The following KDM5B variants were observed in gnomAD, a reference collection of about 807,000 sequenced individuals.
KDM5B encodes lysine-specific demethylase 5B.
In KDM5B, 144 loss-of-function variants were observed where a neutral mutation model predicts 193.4. That is an observed-to-expected ratio of 0.74 (90% CI 0.65 to 0.86). The LOEUF is 0.86. KDM5B is among the 40% of genes least tolerant of loss of function. KDM5B has a pLI of 0.00. For synonymous variants in KDM5B, 668 were observed against 682.6 expected (o/e 0.98, Z 0.33); for missense variants, 1,833 against 1,886.9 (o/e 0.97, Z 0.53).
intron 5 of KDM5B, chr1:202,766,362 C>T (rs940937526): frequency 1.3e-5 from 4 of 313,960 alleles, no homozygotes; most frequent in African/African-American, 4.6e-5. Flanking sequence ...CCAAATTAGC[C>T]GGGCGTGGTG....
chr1:202,786,657 G>C (rs928150615), intron 1 of KDM5B, among the ~76,000 whole-genome samples: 1 of 152,134 alleles, frequency 6.6e-6, no homozygotes, highest in African/African-American at 2.4e-5. Flanking sequence ...AAAACTTCTT[G>C]ACTGCATGTT....
chr1:202,737,648 C>T (rs998169478), intron 20 of KDM5B, among the ~76,000 whole-genome samples: 1 of 152,194 alleles, frequency 6.6e-6, no homozygotes. Context: ...TTAAAACTAA[C>T]TTCCAATTTA....
intron 1 of KDM5B, among the ~76,000 whole-genome samples, chr1:202,777,940 CAAG>C (rs1657030752): frequency 6.6e-6 from 1 of 151,968 alleles, no homozygotes; most frequent in Admixed American, 6.6e-5. Context: ...TTTGGGAGGC[CAAG>C]GAGGGTGGAT....
At chr1:202,787,386 C>T (rs1657453900) in intron 1 of KDM5B, among the ~76,000 whole-genome samples, 1 of 151,986 alleles carries the variant, frequency 6.6e-6, no homozygotes, top group Non-Finnish European at 1.5e-5. Context: ...AATTGAGGAC[C>T]TCAAAGAATG....
intron 23 of KDM5B, chr1:202,732,186 A>C (rs968263010): frequency 1.1e-5 from 5 of 442,556 alleles, no homozygotes; most frequent in African/African-American, 2.1e-5. Flanking sequence ...GATGTAAAGA[A>C]GGCCACTGGG....
Position 202,808,276 on chromosome 1 carries a change from G to A in KDM5B, c.30C>T (p.Gly10=), listed in dbSNP as rs962445280. ...CCCCGAGGGGCAGCGCCGGGCGCGG[G>A]CCTGGGTGCAGTGTGGTGGCCGCCT... MEAATTLHP[G]PRPALPLGGP... is the part of the protein sequence containing the mutation. Residue 10 remains glycine, a synonymous_variant, in exon 1 of 27, where the codon GGC becomes GGT. Coordinates refer to ENST00000367265, the MANE Select transcript of KDM5B (RefSeq NM_006618.5). The A allele has an allele frequency of 6.2e-7, 1 of 1,607,354 alleles. No individual in the cohort carries two copies. Among genetic ancestry groups the A allele is most frequent in the African/African-American group, 1.3e-5 (1 of 74,858 alleles).
intron 4 of KDM5B, among the ~76,000 whole-genome samples, chr1:202,772,324 A>G (rs1656753825): frequency 6.6e-6 from 1 of 152,222 alleles, no homozygotes; most frequent in Admixed American, 6.5e-5. Context: ...CACAAATACC[A>G]TTTTGTCAGA....
At chr1:202,752,373 T>C (rs111267343) in intron 12 of KDM5B, among the ~76,000 whole-genome samples, 1 of 152,232 alleles carries the variant, frequency 6.6e-6, no homozygotes, top group Non-Finnish European at 1.5e-5. Flanking sequence ...CTGTACAAAT[T>C]TGTAGCCCAG....
chr1:202,783,956 T>C (rs1424145237), intron 1 of KDM5B, among the ~76,000 whole-genome samples: 1 of 152,114 alleles, frequency 6.6e-6, no homozygotes, highest in Non-Finnish European at 1.5e-5. Flanking sequence ...AGTAGAAAGT[T>C]GAAGCTTCAA....
rs146979610 is a variant in KDM5B at position 202,778,836 on chromosome 1, G to A, written c.205-1742C>T. On this transcript the variant is annotated intron_variant, in intron 1 of 26. Coordinates refer to ENST00000367265, the MANE Select transcript of KDM5B (RefSeq NM_006618.5). Reference sequence around the variant, plus strand: ...GGGGTTTCACCATATTGGTCAGGCTGGTCTCAAACTCCTGACCTCATATGA... The same window carrying A: ...GGGGTTTCACCATATTGGTCAGGCTAGTCTCAAACTCCTGACCTCATATGA... Among the ~76,000 whole-genome samples the A allele has an allele frequency of 7.7e-3, 1,177 of 152,124 alleles. 17 individuals are homozygous for A. Among genetic ancestry groups the A allele is most frequent in the African/African-American group, 0.027 (1,112 of 41,476 alleles).
In KDM5B at chr1:202,774,649, C is replaced by T; in HGVS notation, c.369G>A (p.Val123=). 1 of 1,612,902 alleles carries T rather than the reference C, an allele frequency of 6.2e-7. No homozygotes were observed. Among genetic ancestry groups the T allele is most frequent in the South Asian group, 1.1e-5 (1 of 91,040 alleles). ...GAAATAAGTCCAAGATCTTCCTCTC[C>T]ACATGTGGAATTTTCAGAGTACTTC... ...LQGSTLKIPH[V]ERKILDLFQL... Residue 123 remains valine (V), a synonymous_variant, in exon 3 of 27, where the codon GTG becomes GTA. Coordinates refer to ENST00000367265, the MANE Select transcript of KDM5B (RefSeq NM_006618.5).
chr1:202,771,816 A>G (rs985145665), intron 4 of KDM5B, among the ~76,000 whole-genome samples: 1 of 151,036 alleles, frequency 6.6e-6, no homozygotes, highest in Non-Finnish European at 1.5e-5. Flanking sequence ...TCTTGACCTC[A>G]TGATCCACCC....
chr1:202,795,625 T>C (rs1415675774), intron 1 of KDM5B, among the ~76,000 whole-genome samples: 3 of 147,652 alleles, frequency 2.0e-5, no homozygotes, highest in African/African-American at 7.5e-5. Flanking sequence ...CACTCAAACC[T>C]AGGCAACAGA....
At chr1:202,758,248 C>T in intron 9 of KDM5B, 143 bp downstream of exon 9, 2 of 560,828 alleles carry the variant, frequency 3.6e-6, no homozygotes, top group Non-Finnish European at 5.6e-6. Flanking sequence ...ATTTTAAATA[C>T]CACAAAACAA....
Position 202,731,830 on chromosome 1 carries a change from T to A in KDM5B, c.4019A>T (p.His1340Leu). The change falls in exon 24 of 27, where the codon CAT becomes CTT. Residue 1340 changes from histidine to leucine, a missense_variant and splice_region_variant. His to Leu is a moderately conservative substitution (Grantham distance 99). Coordinates refer to ENST00000367265, the MANE Select transcript of KDM5B (RefSeq NM_006618.5). The stretch of plus-strand genomic sequence containing the variant: ...CAACGTAATAACAAAATACAAACCA[T>A]GGAGGGGGATACAACTTCGTCCAGT... ...FSTGRSCIPLHGVSPEVNELL... is the reference protein window; with the variant it reads ...FSTGRSCIPLLGVSPEVNELL... 5.0e-6 allele frequency: 8 copies of A among 1,596,356 alleles called. No homozygotes were observed. Among genetic ancestry groups the A allele is most frequent in the Non-Finnish European group, 6.9e-6 (8 of 1,164,076 alleles).
chr1:202,744,475 T>C (rs545349706), intron 16 of KDM5B, among the ~76,000 whole-genome samples: 11 of 152,268 alleles, frequency 7.2e-5, no homozygotes, highest in African/African-American at 2.4e-4. Flanking sequence ...GGAGAATTGC[T>C]TGAACCCAGG....
At chr1:202,786,965 G>C (rs910233442) in intron 1 of KDM5B, among the ~76,000 whole-genome samples, 3 of 152,062 alleles carry the variant, frequency 2.0e-5, no homozygotes, top group African/African-American at 4.8e-5. Flanking sequence ...AAAAAGCTAA[G>C]ATCTTAGCTT....
chr1:202,797,100 A>C (rs1657881229), intron 1 of KDM5B: 1 of 152,284 alleles, frequency 6.6e-6, no homozygotes. Context: ...TGGGCCATTC[A>C]AAGGGGCAAG....
chr1:202,740,175 G>A (rs1050438780), intron 20 of KDM5B, among the ~76,000 whole-genome samples: 1 of 148,256 alleles, frequency 6.7e-6, no homozygotes, highest in African/African-American at 2.5e-5. Context: ...CCCAGTAGGG[G>A]CGGCCGGGCA....
Sources: gnomAD v4.1 joint callset for allele counts (sites outside exome capture counted in the v4.1 genomes callset) on GRCh38, gnomAD v4.1.1 for gene constraint, MANE v1.5 for transcripts, NCBI Gene and HGNC (gene_info 2026-07-23, HGNC 2026-07-21) for gene names.